Variants in PTRH1 observed in about 807,000 individuals in gnomAD.
The protein encoded by PTRH1 is peptidyl-tRNA hydrolase.
Under a neutral mutation model 15.7 loss-of-function variants are expected in PTRH1, and 13 were observed. That is an observed-to-expected ratio of 0.83 (90% CI 0.54 to 1.31). The LOEUF (loss-of-function observed/expected upper bound fraction) is 1.31. Ranked by LOEUF, PTRH1 falls within the 40% of genes most tolerant of loss-of-function variation. PTRH1 has a pLI of 0.00. For missense variants in PTRH1, 319 were observed against 296.2 expected, an observed-to-expected ratio of 1.08 and a Z score of -0.56; for synonymous variants, 139 against 136.7, an observed-to-expected ratio of 1.02 and a Z score of -0.12.
rs991012233 is a variant in PTRH1 at position 127,699,646 on chromosome 9, AT to A, written c.206-4506del. On this transcript the variant is annotated intron_variant, in intron 1 of 2. Coordinates refer to the PTRH1 transcript ENST00000335223. ...CACGCAGATTGGTGAAGCGTTCCAT[AT>A]TTTTTCCATGTGATACCCTAAAGTA... is the stretch of plus-strand genomic sequence containing the variant. Among the ~76,000 whole-genome samples, 4 of 151,684 alleles carry A rather than the reference AT, an allele frequency of 2.6e-5. No individual in the cohort carries two copies. In the East Asian group the frequency reaches 7.7e-4, roughly 29 times the overall value.
At chr9:127,694,394 G>A (rs1842537023) in intron 2 of PTRH1, among the ~76,000 whole-genome samples, 1 of 152,126 alleles carries the variant, frequency 6.6e-6, no homozygotes, top group African/African-American at 2.4e-5. Flanking sequence ...CAATCTCCTG[G>A]GAGTGGCTTT....
chr9:127,710,714 G>A (rs185882520), downstream of PTRH1: 114 of 1,572,868 alleles, frequency 7.2e-5, no homozygotes, highest in African/African-American at 1.1e-3. Context: ...CAGGGACTAT[G>A]CATACAACCT....
At chr9:127,710,523 G>T (rs1245472176), downstream of PTRH1, 72 of 1,508,752 alleles carry the variant, frequency 4.8e-5, no homozygotes, top group Non-Finnish European at 5.9e-5. Flanking sequence ...AGGGACCTAA[G>T]GGGCATCTTT....
At chr9:127,712,920 C>T (rs760135818), downstream of PTRH1, 4 of 1,592,046 alleles carry the variant, frequency 2.5e-6, no homozygotes, top group African/African-American at 5.4e-5. Context: ...CCACAGAGAG[C>T]AGGGCAAAGG....
At chr9:127,707,558 C>T (rs1348515106) in intron 1 of PTRH1, among the ~76,000 whole-genome samples, 1 of 152,166 alleles carries the variant, frequency 6.6e-6, no homozygotes, top group African/African-American at 2.4e-5. Flanking sequence ...GGCCCCACTT[C>T]CACTTCCTGG....
chr9:127,709,971 T>C (rs891006301), downstream of PTRH1, among the ~76,000 whole-genome samples: 3 of 152,070 alleles, frequency 2.0e-5, no homozygotes, highest in Non-Finnish European at 2.9e-5. This position sits in a 1 kb window ranked among gnomAD's most constrained non-coding sequence, Gnocchi z 4.7. Context: ...GCCCAGAGAA[T>C]ATATACAGTC....
Position 127,713,895 on chromosome 9 carries a change from G to C in PTRH1, c.*205C>G. On this transcript the variant is annotated 3_prime_UTR_variant, in exon 5 of 5. Transcript: ENST00000543175. ...TTTAGTCTTCCTGAAGTTCCCCTAC[G>C]TCCCAAGTAGGACACAGAGAGAAGA... is the stretch of plus-strand genomic sequence containing the variant. The C allele has an allele frequency of 1.9e-6, 3 of 1,613,604 alleles. No homozygotes were observed. Among genetic ancestry groups the C allele is most frequent in the South Asian group, 1.1e-5 (1 of 91,074 alleles).
intron 2 of PTRH1, 94 bp downstream of exon 2, chr9:127,714,881 G>T: frequency 9.5e-7 from 1 of 1,056,956 alleles, no homozygotes; most frequent in Non-Finnish European, 1.4e-6. Flanking sequence ...AGGTGAACCC[G>T]CGGATCTGTC....
chr9:127,709,733 C>A (rs767592297), downstream of PTRH1: 3 of 1,590,832 alleles, frequency 1.9e-6, no homozygotes, highest in East Asian at 6.8e-5. This position sits in a 1 kb window ranked among gnomAD's most constrained non-coding sequence, Gnocchi z 4.7. Flanking sequence ...AGGCACACAT[C>A]CCAGCTCTAT....
At chr9:127,711,383 C>T (rs1347258587), downstream of PTRH1, 2 of 1,614,222 alleles carry the variant, frequency 1.2e-6, no homozygotes, top group East Asian at 2.2e-5. Context: ...AGGCATGAAG[C>T]TGCTGCAGGA....
At chr9:127,710,709 A>G, downstream of PTRH1, 5 of 1,573,234 alleles carry the variant, frequency 3.2e-6, no homozygotes, top group Non-Finnish European at 4.3e-6. Flanking sequence ...GAGTTCAGGG[A>G]CTATGCATAC....
In PTRH1 at chr9:127,707,122, C is replaced by T. The variant is rs1293649859; in HGVS notation, c.205+8313G>A. On this transcript the variant is annotated intron_variant, in intron 1 of 2. Coordinates refer to the PTRH1 transcript ENST00000335223. The stretch of plus-strand genomic sequence containing the variant: ...GAAGGAGCCGGTGGTGGCCGTGGAG[C>T]CGCCTCTGGCCAAGGAGATGAAGGA... 1.9e-6 allele frequency: 3 copies of T among 1,613,566 alleles called. No individual in the cohort carries two copies. In the African/African-American group the frequency reaches 4.0e-5, roughly 22 times the overall value.
At chr9:127,710,282 C>CAA (rs60165824), downstream of PTRH1, among the ~76,000 whole-genome samples, 119 of 82,566 alleles carry the variant, frequency 1.4e-3, 1 homozygote, top group African/African-American at 1.9e-3. Context: ...GACCCTGTCT[C>CAA]AAAAAAAAAA....
At chr9:127,694,948 C>G in exon 2 of PTRH1, 1 of 701,678 alleles carries the variant, frequency 1.4e-6, no homozygotes, top group East Asian at 2.7e-5. Flanking sequence ...CCACCCTTGG[C>G]CTCTTTCCAC....
At chr9:127,714,913 C>CCCCCCCCCCCCCCA in intron 2 of PTRH1, 62 bp downstream of exon 2, 9 of 745,044 alleles carry the variant, frequency 1.2e-5, no homozygotes, top group East Asian at 5.4e-5. Context: ...TCCCCTCTGG[C>CCCCCCCCCCCCCCA]CCCCGCGCCC....
chr9:127,713,163 A>G (rs497632), downstream of PTRH1: 25 of 1,598,342 alleles, frequency 1.6e-5, no homozygotes, highest in Non-Finnish European at 2.0e-5. Flanking sequence ...CTGCTGTCAT[A>G]TATCACCCGT....
chr9:127,709,693 G>T, downstream of PTRH1: 1 of 1,612,148 alleles, frequency 6.2e-7, no homozygotes, highest in Non-Finnish European at 8.5e-7. The surrounding 1 kb of genome is among the most constrained non-coding windows in gnomAD (Gnocchi z 4.7). Context: ...CATCATCCTT[G>T]GTGAGGAGGG....
chr9:127,714,404 GAACGGACT>G lies in PTRH1; in HGVS notation c.429_436del (p.Val144LeufsTer3). 1 of 1,614,230 alleles carries G rather than the reference GAACGGACT, an allele frequency of 6.2e-7. No individual in the cohort carries two copies. Among genetic ancestry groups the G allele is most frequent in the Non-Finnish European group, 8.5e-7 (1 of 1,180,040 alleles). On this transcript the variant is annotated frameshift_variant, in exon 4 of 5. Coordinates refer to ENST00000543175, the MANE Select transcript of PTRH1 (RefSeq NM_001002913.3). LOFTEE classifies it high-confidence loss of function. ...ATTGGAGTTGAGGCAGCTAATGCAG[GAACGGACT>G]CCATTGTGGCCCCTTCAAGGGATAT...
intron 1 of PTRH1, among the ~76,000 whole-genome samples, chr9:127,701,634 C>G (rs1026551189): frequency 6.6e-6 from 1 of 152,140 alleles, no homozygotes; most frequent in Non-Finnish European, 1.5e-5. Context: ...ATGTTTGGGC[C>G]GGGAGCGGTG....
Sources: allele counts gnomAD v4.1 joint callset (sites outside exome capture counted in the v4.1 genomes callset), GRCh38; gene constraint gnomAD v4.1.1; non-coding constraint Gnocchi (gnomAD v3.1); transcripts MANE v1.5; gene names NCBI Gene and HGNC (gene_info 2026-07-23, HGNC 2026-07-21).